Variants in P4HA3 observed in about 807,000 individuals in gnomAD.
P4HA3 encodes prolyl 4-hydroxylase subunit alpha-3.
A neutral mutation model predicts 66.7 loss-of-function variants in P4HA3; 60 were observed. The ratio of observed to expected loss-of-function variants is 0.90; its 90% CI spans 0.73 to 1.12. P4HA3 has a LOEUF of 1.12. Among genes scored for constraint, P4HA3 ranks in the 50% most tolerant of loss-of-function variants. The probability of loss-of-function intolerance (pLI) is 0.00; values close to 1 mark genes in which losing one functional copy is unlikely to be tolerated. For missense variants in P4HA3, 683 were observed against 685.8 expected, an observed-to-expected ratio of 1.00 and a Z score of 0.05; for synonymous variants, 263 against 274.6, an observed-to-expected ratio of 0.96 and a Z score of 0.42.
chr11:74,278,496 G>A (rs555277750), intron 8 of P4HA3, among the ~76,000 whole-genome samples: 9 of 152,304 alleles, frequency 5.9e-5, no homozygotes, highest in Admixed American at 5.9e-4. Flanking sequence ...AAGTTGTGAG[G>A]ACAGAACCAA....
In P4HA3 at chr11:74,277,244, C is replaced by T; in HGVS notation, c.1176-100G>A. 2.9e-6 allele frequency: 4 copies of T among 1,399,926 alleles called. No individual in the cohort carries two copies. In the South Asian group the frequency reaches 5.5e-5, roughly 19 times the overall value. The allele number at this position is 1,399,926 out of a possible 1,614,324, so 86.7% of individuals were successfully genotyped here. A position where few individuals can be genotyped will look rare whatever the true frequency, so the allele number is the denominator to read the frequency against. On this transcript the variant is annotated intron_variant, in intron 8 of 12. Transcript: ENST00000331597. ...ATAAACAAATGAATTATGTTAATTG[C>T]CAGAAGGAAGGATGGAAGGAAGGAG...
At chr11:74,264,374 A>G (rs994562670), downstream of P4HA3, among the ~76,000 whole-genome samples, 1 of 152,114 alleles carries the variant, frequency 6.6e-6, no homozygotes, top group Admixed American at 6.5e-5. Flanking sequence ...CCCCTAATAC[A>G]TGCAAAGCCT....
Position 74,273,603 on chromosome 11 carries a change from G to T in P4HA3, c.1340C>A (p.Pro447Gln). 1.9e-6 allele frequency: 3 copies of T among 1,557,936 alleles called. No individual in the cohort carries two copies. Among genetic ancestry groups the T allele is most frequent in the Non-Finnish European group, 2.6e-6 (3 of 1,158,352 alleles). The change falls in exon 10 of 13, where the codon CCA becomes CAA. Residue 447 changes from proline to glutamine, a missense_variant. Physicochemically the swap from Pro to Gln is moderately conservative, Grantham distance 76. Transcript: ENST00000331597. ...CTTCATTCTGTAGAGGGGGCTGCTT[G>T]GTGACTGAGAAAAAAAAAAACAGAA... ...YEPHFDHATS[P>Q]SSPLYRMKSG... is the part of the protein sequence containing the mutation.
At chr11:74,291,189 T>C (rs1861009996) in intron 4 of P4HA3, among the ~76,000 whole-genome samples, 1 of 152,184 alleles carries the variant, frequency 6.6e-6, no homozygotes, top group South Asian at 2.1e-4. Flanking sequence ...TCCTAGGTAT[T>C]TTATTCTCTT....
rs147361425 is a variant in P4HA3 at position 74,276,985 on chromosome 11, C to T, written c.1335G>A (p.Thr445=). 163 of 1,612,440 alleles carry T rather than the reference C, an allele frequency of 1.0e-4. No individual in the cohort carries two copies. The highest frequency in any genetic ancestry group is 1.6e-4 in the Middle Eastern group (1 of 6,064). Residue 445 remains threonine, a splice_region_variant and synonymous_variant, in exon 9 of 13, where the codon ACG becomes ACA. Coordinates refer to ENST00000331597, the MANE Select transcript of P4HA3 (RefSeq NM_182904.5). ...GHYEPHFDHA[T]SPSSPLYRMK... ...GATTGGTCATTGACTCCACCATTAC[C>T]GTAGCATGGTCAAAGTGAGGCTCAT...
intron 15 of P4HA3, chr11:74,251,040 T>G: frequency 6.3e-7 from 1 of 1,577,436 alleles, no homozygotes; most frequent in Non-Finnish European, 8.6e-7. Context: ...GCTCAGTGAC[T>G]GTAAAAGGAC....
chr11:74,299,152 T>G (rs903665352), intron 3 of P4HA3, among the ~76,000 whole-genome samples: 1 of 152,196 alleles, frequency 6.6e-6, no homozygotes, highest in Admixed American at 6.5e-5. Context: ...GGAAGCTCAA[T>G]GGATCTGTTC....
chr11:74,260,325 A>C (rs188294074), intron 14 of P4HA3, among the ~76,000 whole-genome samples: 2 of 152,304 alleles, frequency 1.3e-5, no homozygotes, highest in East Asian at 3.9e-4. Context: ...AAGGCTTAGC[A>C]GCTCACACAG....
intron 15 of P4HA3, among the ~76,000 whole-genome samples, chr11:74,255,120 A>AGCTGAATC (rs1446688439): frequency 6.6e-6 from 1 of 152,150 alleles, no homozygotes; most frequent in Non-Finnish European, 1.5e-5. Flanking sequence ...CTGTTTCTAA[A>AGCTGAATC]GCTGAATCCA....
intron 1 of P4HA3, among the ~76,000 whole-genome samples, chr11:74,306,175 T>C (rs1178340284): frequency 1.3e-5 from 2 of 152,094 alleles, no homozygotes; most frequent in African/African-American, 4.8e-5. Context: ...GTGATGACTG[T>C]AAAGGGGAAT....
At position 74,281,820 on chromosome 11, in the gene P4HA3, C is replaced by T. The variant is rs375553350; in HGVS notation, c.1111-2368G>A. On this transcript the variant is annotated intron_variant, in intron 7 of 12. Transcript: ENST00000331597. Reference sequence around the variant, plus strand: ...AGCGCACCAGCATGGCACATGTATACGTATGTAACTAACCTGCACAATGTG... The same window carrying T: ...AGCGCACCAGCATGGCACATGTATATGTATGTAACTAACCTGCACAATGTG... Among the ~76,000 whole-genome samples, 149 of 150,484 alleles carry T rather than the reference C, an allele frequency of 9.9e-4. 2 individuals are homozygous for T. The Middle Eastern group carries it at 0.014, about 14-fold the overall frequency.
At chr11:74,267,436 G>T in intron 12 of P4HA3, 118 bp from the exon 13 acceptor site, 1 of 1,291,858 alleles carries the variant, frequency 7.7e-7, no homozygotes, top group Non-Finnish European at 1.1e-6. Flanking sequence ...CTGCATCCTA[G>T]GTAACTCACT....
intron 8 of P4HA3, among the ~76,000 whole-genome samples, chr11:74,277,810 G>C (rs1166948546): frequency 1.3e-5 from 2 of 152,198 alleles, no homozygotes; most frequent in Non-Finnish European, 2.9e-5. Flanking sequence ...TACGTCCCTG[G>C]GAAGTGAGAA....
chr11:74,288,567 A>G (rs1440337334), intron 5 of P4HA3, among the ~76,000 whole-genome samples: 1 of 152,200 alleles, frequency 6.6e-6, no homozygotes, highest in African/African-American at 2.4e-5. Flanking sequence ...GCATTTTCCA[A>G]CTAACTTAAA....
At chr11:74,283,195 T>C (rs1860668326) in intron 7 of P4HA3, among the ~76,000 whole-genome samples, 1 of 152,100 alleles carries the variant, frequency 6.6e-6, no homozygotes, top group South Asian at 2.1e-4. Context: ...GGGAAGGAAG[T>C]GTGCCAAGAT....
At chr11:74,299,368 G>C (rs1861328678) in intron 3 of P4HA3, among the ~76,000 whole-genome samples, 2 of 152,136 alleles carry the variant, frequency 1.3e-5, no homozygotes, top group African/African-American at 4.8e-5. Context: ...TCCTGACAGG[G>C]AAAAATCCTA....
chr11:74,303,172 C>T (rs149098473), intron 2 of P4HA3, among the ~76,000 whole-genome samples: 348 of 152,082 alleles, frequency 2.3e-3, no homozygotes, highest in African/African-American at 7.9e-3. Context: ...CCAGGCTGGT[C>T]TCAAACTTCT....
chr11:74,253,609 C>A, intron 15 of P4HA3: 2 of 1,339,854 alleles, frequency 1.5e-6, no homozygotes, highest in South Asian at 1.2e-5. Flanking sequence ...TCCCGCCCAG[C>A]CATGTGACAC....
chr11:74,251,161 C>T, intron 15 of P4HA3: 1 of 1,473,284 alleles, frequency 6.8e-7, no homozygotes, highest in Non-Finnish European at 9.0e-7. Context: ...ACCAGCTCTC[C>T]AACTTCTCCC....
Sources: allele counts gnomAD v4.1 joint callset (sites outside exome capture counted in the v4.1 genomes callset), GRCh38; gene constraint gnomAD v4.1.1; transcripts MANE v1.5; gene names NCBI Gene and HGNC (gene_info 2026-07-23, HGNC 2026-07-21).